Variants in NKAIN1 observed in about 807,000 individuals in gnomAD.
NKAIN1 encodes the protein sodium/potassium transporting ATPase interacting 1, also known as sodium/potassium-transporting ATPase subunit beta-1-interacting protein 1.
Under a neutral mutation model 31.6 loss-of-function variants are expected in NKAIN1, and 13 were observed. The observed-to-expected ratio is 0.41, with a 90% CI of 0.27 to 0.65. The LOEUF is 0.65. NKAIN1 is among the 30% of genes least tolerant of loss of function. The probability of loss-of-function intolerance (pLI) is 0.30; values close to 1 mark genes in which losing one functional copy is unlikely to be tolerated. For missense variants in NKAIN1, 193 were observed against 262.2 expected, an observed-to-expected ratio of 0.74 and a Z score of 1.82; for synonymous variants, 104 against 109.0, an observed-to-expected ratio of 0.95 and a Z score of 0.28.
At chr1:31,220,860 G>A (rs369952894) in intron 1 of NKAIN1, among the ~76,000 whole-genome samples, 1 of 151,558 alleles carries the variant, frequency 6.6e-6, no homozygotes, top group East Asian at 1.9e-4. Context: ...ATCTGCTCTT[G>A]GGGTTCATTC....
At chr1:31,182,400 C>G in intron 5 of NKAIN1, 130 bp downstream of exon 5, 1 of 966,772 alleles carries the variant, frequency 1.0e-6, no homozygotes, top group Non-Finnish European at 1.6e-6. Context: ...ATACCAGCCG[C>G]CTCTTCCCCT....
intron 1 of NKAIN1, among the ~76,000 whole-genome samples, chr1:31,193,347 C>T (rs1283573064): frequency 1.3e-5 from 2 of 151,884 alleles, no homozygotes; most frequent in Admixed American, 6.5e-5. Flanking sequence ...GGATTACAGG[C>T]GTGAGCCACC....
chr1:31,224,309 G>A (rs144897020), intron 1 of NKAIN1, among the ~76,000 whole-genome samples: 20 of 152,330 alleles, frequency 1.3e-4, no homozygotes, highest in African/African-American at 4.8e-4. Context: ...AATGAACAGG[G>A]AGGAAGCGGG....
chr1:31,231,746 G>A (rs1016790051), intron 1 of NKAIN1, among the ~76,000 whole-genome samples: 10 of 150,116 alleles, frequency 6.7e-5, no homozygotes, highest in East Asian at 2.0e-4. Flanking sequence ...TAGCCAGGAT[G>A]GTCTCGATCT....
At chr1:31,211,908 C>T (rs887911829) in intron 1 of NKAIN1, among the ~76,000 whole-genome samples, 3 of 152,126 alleles carry the variant, frequency 2.0e-5, no homozygotes, top group African/African-American at 7.2e-5. Context: ...CGCCACTGCA[C>T]TCCAGCCTGG....
At chr1:31,195,125 T>A (rs1225549031) in intron 1 of NKAIN1, among the ~76,000 whole-genome samples, 1 of 123,072 alleles carries the variant, frequency 8.1e-6, no homozygotes, top group South Asian at 2.7e-4. Context: ...TCCTTCCTCC[T>A]TTTTTTTTTT....
chr1:31,212,766 C>T (rs975905483), intron 1 of NKAIN1, among the ~76,000 whole-genome samples: 3 of 151,936 alleles, frequency 2.0e-5, no homozygotes, highest in South Asian at 2.1e-4. Flanking sequence ...TTTCAGAGGC[C>T]GAGGTGGGCG....
intron 1 of NKAIN1, among the ~76,000 whole-genome samples, chr1:31,214,458 TAAA>T (rs199730020): frequency 7.5e-6 from 1 of 132,894 alleles, no homozygotes. Context: ...TCAATAAAGT[TAAA>T]AAAAAAAAAA....
At chr1:31,200,137 C>G (rs1169508318) in intron 1 of NKAIN1, among the ~76,000 whole-genome samples, 1 of 152,226 alleles carries the variant, frequency 6.6e-6, no homozygotes, top group African/African-American at 2.4e-5. Flanking sequence ...TGTCTTTCTT[C>G]CAGGGCTTTT....
Position 31,181,655 on chromosome 1 carries a change from G to C in NKAIN1, c.*48C>G, listed in dbSNP as rs141956896. The C allele has an allele frequency of 9.4e-4, 1,349 of 1,430,290 alleles. 11 individuals are homozygous for C. In the African/African-American group the frequency reaches 0.016, roughly 17 times the overall value. The allele number at this position is 1,430,290 out of a possible 1,614,324, so 88.6% of individuals were successfully genotyped here. A position where few individuals can be genotyped will look rare whatever the true frequency, so the allele number is the denominator to read the frequency against. On this transcript the variant is annotated 3_prime_UTR_variant, in exon 7 of 7. Transcript: ENST00000373736. Reference sequence around the variant, plus strand: ...TGCGCCTTGGCCCGAGCTCGCGGCAGCTGCGGTCAGCCCAGGGCGAGGCGC... The same window carrying C: ...TGCGCCTTGGCCCGAGCTCGCGGCACCTGCGGTCAGCCCAGGGCGAGGCGC...
At chr1:31,185,445 C>A in intron 2 of NKAIN1, 118 bp from the exon 3 acceptor site, 1 of 760,596 alleles carries the variant, frequency 1.3e-6, no homozygotes, top group South Asian at 1.6e-5. Flanking sequence ...GAGAATACCT[C>A]ACTCAGAGAG....
intron 4 of NKAIN1, 31 bp downstream of exon 4, chr1:31,183,786 T>C: frequency 6.3e-7 from 1 of 1,586,286 alleles, no homozygotes; most frequent in Non-Finnish European, 8.6e-7. Flanking sequence ...GATCGGGAAG[T>C]GTGTGTAGGG....
At chr1:31,223,421 G>T (rs1303844539) in intron 1 of NKAIN1, among the ~76,000 whole-genome samples, 7 of 150,188 alleles carry the variant, frequency 4.7e-5, no homozygotes, top group Non-Finnish European at 8.9e-5. Flanking sequence ...CATAAACATT[G>T]ACTGCTGGTA....
chr1:31,183,436 C>CTTTTTTTTTTTTTTTTTTTTT (rs3046278), intron 4 of NKAIN1, among the ~76,000 whole-genome samples: 1 of 106,716 alleles, frequency 9.4e-6, no homozygotes, highest in Non-Finnish European at 1.6e-5. Flanking sequence ...TTCATTCCCT[C>CTTTTTTTTTTTTTTTTTTTTT]TTTTTTTTTT....
chr1:31,197,616 G>A (rs565133794), intron 1 of NKAIN1, among the ~76,000 whole-genome samples: 16 of 144,158 alleles, frequency 1.1e-4, no homozygotes, highest in South Asian at 2.2e-4. Context: ...GCGCGATCTC[G>A]GCTTGCTGCA....
At chr1:31,237,502 C>CTT (rs5773347) in intron 1 of NKAIN1, among the ~76,000 whole-genome samples, 6 of 144,160 alleles carry the variant, frequency 4.2e-5, no homozygotes, top group African/African-American at 1.3e-4. Flanking sequence ...GAGAAGAAAA[C>CTT]TTTTTTTTTT....
intron 1 of NKAIN1, among the ~76,000 whole-genome samples, chr1:31,225,018 TTTTTC>T (rs146707266): frequency 0.078 from 10,791 of 137,578 alleles, 680 homozygotes; most frequent in Admixed American, 0.16. Flanking sequence ...AGCCCATTTC[TTTTTC>T]TTTTCTTTTC....
Position 31,211,902 on chromosome 1 carries a change from A to G in NKAIN1, c.55-23715T>C, listed in dbSNP as rs534487110. On this transcript the variant is annotated intron_variant, in intron 1 of 6. Coordinates refer to ENST00000373736, the MANE Select transcript of NKAIN1 (RefSeq NM_024522.3). ...GGTTGCAATGAGCCAAGATTGCGCC[A>G]CTGCACTCCAGCCTGGGAGACAGAG... Among the ~76,000 whole-genome samples, 28 of 152,320 alleles carry G rather than the reference A, an allele frequency of 1.8e-4. 2 individuals are homozygous for G. Among genetic ancestry groups the G allele is most frequent in the African/African-American group, 6.7e-4 (28 of 41,568 alleles).
At chr1:31,207,984 C>T (rs1330946947) in intron 1 of NKAIN1, among the ~76,000 whole-genome samples, 1 of 152,052 alleles carries the variant, frequency 6.6e-6, no homozygotes, top group Non-Finnish European at 1.5e-5. Flanking sequence ...CTGCCACCAC[C>T]CCAGGTTTCC....
Sources: allele counts gnomAD v4.1 joint callset (sites outside exome capture counted in the v4.1 genomes callset), GRCh38; gene constraint gnomAD v4.1.1; transcripts MANE v1.5; gene names NCBI Gene and HGNC (gene_info 2026-07-23, HGNC 2026-07-21).